Variants in DGAT2 observed in about 807,000 individuals in gnomAD.
DGAT2 encodes the protein diacylglycerol O-acyltransferase 2, also known as acyl-CoA retinol O-fatty-acyltransferase.
Under a neutral mutation model 48.4 loss-of-function variants are expected in DGAT2, and 33 were observed. The ratio of observed to expected loss-of-function variants is 0.68; its 90% CI spans 0.52 to 0.91. The LOEUF (loss-of-function observed/expected upper bound fraction) is 0.91, where lower values mean the gene tolerates loss of function less well. Among genes scored for constraint, DGAT2 ranks in the 40% least tolerant of loss-of-function variants. DGAT2 has a pLI of 0.00. For missense variants in DGAT2, 446 were observed against 493.7 expected, an observed-to-expected ratio of 0.90 and a Z score of 0.92; for synonymous variants, 191 against 194.1, an observed-to-expected ratio of 0.98 and a Z score of 0.13.
intron 2 of DGAT2, among the ~76,000 whole-genome samples, chr11:75,788,785 C>T (rs1944951621): frequency 1.3e-5 from 2 of 152,206 alleles, no homozygotes; most frequent in Admixed American, 6.5e-5. Flanking sequence ...CATGCTTCTC[C>T]CACCAAACAT....
At chr11:75,787,012 T>C (rs888447737) in intron 2 of DGAT2, among the ~76,000 whole-genome samples, 1 of 152,238 alleles carries the variant, frequency 6.6e-6, no homozygotes, top group Non-Finnish European at 1.5e-5. Context: ...TAAAAAGATC[T>C]AGCAGCACAT....
rs1383738047 is a variant in DGAT2, at chr11:75,770,011, A to G, written c.121+899A>G. Among the ~76,000 whole-genome samples, 4 of 152,318 alleles carry G rather than the reference A, an allele frequency of 2.6e-5. No individual in the cohort carries two copies. The East Asian group carries it at 7.7e-4, about 29-fold the overall frequency. The stretch of plus-strand genomic sequence containing the variant: ...CTTTGTTACAAAAATAAAGCTTGCT[A>G]ATTATGGAATTTTTGAAAATATAGA... On this transcript the variant is annotated intron_variant, in intron 1 of 7. Transcript: ENST00000228027.
At chr11:75,781,813 G>A (rs1221026692) in intron 1 of DGAT2, among the ~76,000 whole-genome samples, 1 of 152,202 alleles carries the variant, frequency 6.6e-6, no homozygotes, top group Non-Finnish European at 1.5e-5. Flanking sequence ...TCAATTTCCA[G>A]TCTGTATAAC....
At chr11:75,783,576 T>G (rs1443345977) in intron 1 of DGAT2, among the ~76,000 whole-genome samples, 1 of 152,066 alleles carries the variant, frequency 6.6e-6, no homozygotes, top group Non-Finnish European at 1.5e-5. Flanking sequence ...GAGCAGATGG[T>G]ATGAAGGAAT....
Position 75,796,712 on chromosome 11 carries a change from T to C in DGAT2, c.634+180T>C, listed in dbSNP as rs148079058. 1.1e-3 allele frequency: 683 copies of C among 633,978 alleles called. 13 individuals are homozygous for C. The East Asian group carries it at 0.019, about 18-fold the overall frequency. 39.3% of individuals were successfully genotyped at this position (633,978 alleles called of 1,614,324 possible). A position where few individuals can be genotyped will look rare whatever the true frequency, so the allele number is the denominator to read the frequency against. On this transcript the variant is annotated intron_variant, in intron 5 of 7. Transcript: ENST00000228027. Reference sequence around the variant, plus strand: ...GAGGAGGAGAGCTGTCCATATGGTCTTGAGAATTCAACTCGGATAACATCT... The same window carrying C: ...GAGGAGGAGAGCTGTCCATATGGTCCTGAGAATTCAACTCGGATAACATCT...
At chr11:75,776,917 T>G (rs1185087716) in intron 1 of DGAT2, 2 of 152,252 alleles carry the variant, frequency 1.3e-5, no homozygotes, top group African/African-American at 4.8e-5. Flanking sequence ...GGGGTCAATA[T>G]GTACTGACCC....
At chr11:75,795,039 TTC>T (rs1353033123) in intron 4 of DGAT2, 3 of 149,516 alleles carry the variant, frequency 2.0e-5, no homozygotes, top group Non-Finnish European at 3.0e-5. Flanking sequence ...CTTCCTTTCC[TTC>T]TTTCCTTTCT....
chr11:75,790,673 C>G lies in DGAT2; in HGVS notation c.371C>G (p.Ser124Ter). Residue 124 changes from serine to a stop codon, truncating the protein, a stop_gained, in exon 4 of 8, where the codon TCA (serine) becomes TGA (stop). Coordinates refer to ENST00000228027, the MANE Select transcript of DGAT2 (RefSeq NM_032564.5). LOFTEE classifies it high-confidence loss of function. ...TATTCCCTGGAAGGTGGCAGGAGGT[C>G]ACAGTGGGTCCGAAACTGGGCTGTG... ...WNTPKKGGRRSQWVRNWAVWR... is the reference protein window; with the variant it reads ...WNTPKKGGRR 6.2e-7 allele frequency: 1 copy of G among 1,614,070 alleles called. No homozygotes were observed. The highest frequency in any genetic ancestry group is 8.5e-7 in the Non-Finnish European group (1 of 1,180,020).
At chr11:75,782,994 G>C (rs962263655) in intron 1 of DGAT2, among the ~76,000 whole-genome samples, 1 of 152,214 alleles carries the variant, frequency 6.6e-6, no homozygotes, top group African/African-American at 2.4e-5. Flanking sequence ...TCTGGAGGTG[G>C]GAAAGTCCTA....
chr11:75,789,859 G>A (rs551990580), intron 2 of DGAT2, among the ~76,000 whole-genome samples: 7 of 152,266 alleles, frequency 4.6e-5, no homozygotes, highest in African/African-American at 1.2e-4. Flanking sequence ...GCATGGGGGC[G>A]CACACAAGGA....
Position 75,798,430 on chromosome 11 carries a change from G to A in DGAT2, c.1012+1G>A, listed in dbSNP as rs774163476. 2 of 1,612,488 alleles carry A rather than the reference G, an allele frequency of 1.2e-6. No homozygotes were observed. The highest frequency in any genetic ancestry group is 1.1e-5 in the South Asian group (1 of 91,024). On this transcript the variant is annotated splice_donor_variant, in intron 7 of 7. Transcript: ENST00000228027. LOFTEE classifies it high-confidence loss of function. The stretch of plus-strand genomic sequence containing the variant: ...TACTCCAAGCCCATCACCACTGTTG[G>A]TAAGCCCCTAGCCTGCAGACCAAGG...
At chr11:75,774,054 A>G in intron 1 of DGAT2, 1 of 152,398 alleles carries the variant, frequency 6.6e-6, no homozygotes, top group Non-Finnish European at 1.5e-5. Context: ...GAGACAAGAG[A>G]GACAGAGAGG....
rs545636536 is a variant in DGAT2 at position 75,787,189 on chromosome 11, A to G, written c.250+2443A>G. On this transcript the variant is annotated intron_variant, in intron 2 of 7. Transcript: ENST00000228027. ...TATTGGTAAGTGAAGGAAATGCCAC[A>G]TTTCCATAAGAGATAAGTGAAAATT... 5.9e-5 allele frequency among the ~76,000 whole-genome samples: 9 copies of G among 152,372 alleles called. No homozygotes were observed. In the South Asian group the frequency reaches 1.9e-3, roughly 32 times the overall value.
chr11:75,786,281 G>A (rs984276167), intron 2 of DGAT2, among the ~76,000 whole-genome samples: 3 of 152,198 alleles, frequency 2.0e-5, no homozygotes, highest in African/African-American at 7.2e-5. Context: ...ACCCCTTCTT[G>A]TTAAAAAAGG....
chr11:75,797,392 A>C, intron 6 of DGAT2, 60 bp downstream of exon 6: 1 of 1,363,984 alleles, frequency 7.3e-7, no homozygotes, highest in South Asian at 1.9e-5. Flanking sequence ...AGGGCAGCAG[A>C]CTCCTTGGCC....
intron 4 of DGAT2, among the ~76,000 whole-genome samples, chr11:75,791,273 T>G: frequency 6.6e-6 from 1 of 152,172 alleles, no homozygotes; most frequent in East Asian, 1.9e-4. Context: ...GAGATCCTGG[T>G]GTGTTGCCTG....
At position 75,778,364 on chromosome 11, in the gene DGAT2, C is replaced by T. The variant is rs77302122; in HGVS notation, c.122-6254C>T. 3.9e-3 allele frequency among the ~76,000 whole-genome samples: 596 copies of T among 152,238 alleles called. 3 individuals are homozygous for T. The highest frequency in any genetic ancestry group is 0.013 in the African/African-American group (548 of 41,534). Reference sequence around the variant, plus strand: ...CATGGCCTCCTTGGAGCCTCCTCTGCGCTACCATCACTCTGCGACCTCTTC... The same window carrying T: ...CATGGCCTCCTTGGAGCCTCCTCTGTGCTACCATCACTCTGCGACCTCTTC... On this transcript the variant is annotated intron_variant, in intron 1 of 7. Coordinates refer to ENST00000228027, the MANE Select transcript of DGAT2 (RefSeq NM_032564.5).
intron 3 of DGAT2, 38 bp downstream of exon 3, chr11:75,790,333 A>G: frequency 6.6e-7 from 1 of 1,517,650 alleles, no homozygotes. Context: ...CTCTCATTCT[A>G]GGGATGCTCT....
chr11:75,775,508 TG>T (rs1944795689), intron 1 of DGAT2, among the ~76,000 whole-genome samples: 1 of 152,226 alleles, frequency 6.6e-6, no homozygotes, highest in African/African-American at 2.4e-5. Context: ...ACTGGCGTTT[TG>T]GGACCAGTTC....
Sources: gnomAD v4.1 joint callset for allele counts (sites outside exome capture counted in the v4.1 genomes callset) on GRCh38, gnomAD v4.1.1 for gene constraint, MANE v1.5 for transcripts, NCBI Gene and HGNC (gene_info 2026-07-23, HGNC 2026-07-21) for gene names.